ARAP2: variants seen among roughly 807,000 people sequenced by gnomAD.
The protein encoded by ARAP2 is ArfGAP with RhoGAP domain, ankyrin repeat and PH domain 2.
ARAP2 carries 148 observed loss-of-function variants against 194.5 expected under a neutral mutation model. The observed-to-expected ratio is 0.76, with a 90% CI of 0.67 to 0.87. The LOEUF (loss-of-function observed/expected upper bound fraction) is 0.87. Ranked by LOEUF, ARAP2 falls within the 40% of genes least tolerant of loss-of-function variation. The pLI, the probability that ARAP2 is intolerant of heterozygous loss-of-function variation, is 0.00. For synonymous variants in ARAP2, 695 were observed against 683.5 expected (o/e 1.02, Z -0.26); for missense variants, 2,128 against 1,989.7 (o/e 1.07, Z -1.32).
chr4:36,220,542 A>G (rs1002003704), intron 2 of ARAP2, among the ~76,000 whole-genome samples: 7 of 151,630 alleles, frequency 4.6e-5, no homozygotes, highest in Admixed American at 4.6e-4. Flanking sequence ...TTTATTTTAG[A>G]ATGTACTCCT....
intron 5 of ARAP2, among the ~76,000 whole-genome samples, chr4:36,039,455 T>C (rs7680788): frequency 0.035 from 5,365 of 152,278 alleles, 306 homozygotes; most frequent in African/African-American, 0.12. Flanking sequence ...CTTTTCAAAT[T>C]GGACCACTGG....
Position 36,150,998 on chromosome 4 carries a change from G to T in ARAP2, c.2799C>A (p.Tyr933Ter). Residue 933 changes from tyrosine to a stop codon, truncating the protein, a stop_gained, in exon 16 of 33, where the codon TAC (tyrosine) becomes TAA (stop). Transcript: ENST00000303965. LOFTEE classifies it high-confidence loss of function. ...WCVLEGGFLS[Y>*]YENDKSTTPN... ...GTGTGGTAGACTTATCATTTTCATA[G>T]TAACTCAAGAAGCCTCCTTCCAAAA... 2 of 1,611,336 alleles carry T rather than the reference G, an allele frequency of 1.2e-6. No homozygotes were observed. The highest frequency in any genetic ancestry group is 1.7e-6 in the Non-Finnish European group (2 of 1,178,836).
chr4:36,147,262 T>G, intron 19 of ARAP2, 34 bp downstream of exon 19: 100 of 1,581,316 alleles, frequency 6.3e-5, no homozygotes, highest in Non-Finnish European at 7.7e-5. Flanking sequence ...CCAGAGTTGT[T>G]GAGATAAGGA....
At chr4:36,216,656 C>G (rs1482025671) in intron 2 of ARAP2, among the ~76,000 whole-genome samples, 1 of 151,574 alleles carries the variant, frequency 6.6e-6, no homozygotes, top group Non-Finnish European at 1.5e-5. Flanking sequence ...TTGAAAAAAC[C>G]CAAATAGACA....
rs1179336873 is a variant in ARAP2 at position 36,117,075 on chromosome 4, T to C, written c.4024A>G (p.Ser1342Gly). 6.3e-7 allele frequency: 1 copy of C among 1,595,446 alleles called. No individual in the cohort carries two copies. The highest frequency in any genetic ancestry group is 1.1e-5 in the South Asian group (1 of 88,612). The part of the protein sequence containing the change: ...VYVERKEPDC[S>G]IIIRISPVME... ...TTAGAACTTACCCGAATTATAATAC[T>C]ACAGTCGGGTTCCTTCCTTTCTACA... Residue 1342 changes from serine to glycine, a missense_variant, in exon 25 of 33, where the codon AGT (serine) becomes GGT (glycine). Physicochemically the swap from Ser to Gly is moderately conservative, Grantham distance 56 (BLOSUM62 0). Transcript: ENST00000303965.
At chr4:36,202,970 G>A (rs1446069864) in intron 6 of ARAP2, among the ~76,000 whole-genome samples, 1 of 152,128 alleles carries the variant, frequency 6.6e-6, no homozygotes, top group African/African-American at 2.4e-5. Flanking sequence ...AAAATCTCAG[G>A]AAATAGATAC....
At chr4:36,169,617 GC>G (rs564951722) in intron 9 of ARAP2, among the ~76,000 whole-genome samples, 1 of 151,150 alleles carries the variant, frequency 6.6e-6, no homozygotes, top group Non-Finnish European at 1.5e-5. Context: ...TGCAACCTCG[GC>G]CCCCCCAGGT....
downstream of ARAP2, among the ~76,000 whole-genome samples, chr4:36,064,009 A>C (rs939647505): frequency 1.6e-4 from 25 of 152,318 alleles, no homozygotes; most frequent in African/African-American, 5.8e-4. Context: ...AGTTACGTTC[A>C]TAAGTCATAT....
chr4:36,096,940 A>C (rs1299467118), intron 27 of ARAP2, among the ~76,000 whole-genome samples: 3 of 152,148 alleles, frequency 2.0e-5, no homozygotes, highest in Admixed American at 6.6e-5. Flanking sequence ...TTTTAAAAGC[A>C]AGTTATAATC....
At position 36,229,133 on chromosome 4, in the gene ARAP2, C is replaced by T. The variant is rs558348606; in HGVS notation, c.354G>A (p.Pro118=). Residue 118 remains proline (P), a synonymous_variant, in exon 2 of 33, where the codon CCG becomes CCA. Transcript: ENST00000303965. The part of the protein sequence containing the change: ...NSGSVQTSSP[P]QLETVRKNLE... Reference sequence around the variant, plus strand: ...GATTTTTTCTAACAGTCTCCAACTGCGGTGGGCTAGATGTCTGAACACTAC... The same window carrying T: ...GATTTTTTCTAACAGTCTCCAACTGTGGTGGGCTAGATGTCTGAACACTAC... The T allele has an allele frequency of 4.5e-5, 73 of 1,613,940 alleles. No individual in the cohort carries two copies. The highest frequency in any genetic ancestry group is 8.9e-5 in the East Asian group (4 of 44,884).
chr4:36,167,437 T>C (rs2109808339), intron 9 of ARAP2, among the ~76,000 whole-genome samples: 1 of 152,138 alleles, frequency 6.6e-6, no homozygotes, highest in East Asian at 1.9e-4. Flanking sequence ...ACTAGTTATG[T>C]AAAAAGATGG....
intron 31 of ARAP2, among the ~76,000 whole-genome samples, chr4:36,077,521 C>T (rs1463917270): frequency 6.6e-6 from 1 of 152,062 alleles, no homozygotes; most frequent in African/African-American, 2.4e-5. Flanking sequence ...GTATATACCA[C>T]AGACAACGTA....
At chr4:36,008,796 A>C (rs902001372) in intron 9 of ARAP2, among the ~76,000 whole-genome samples, 4 of 152,156 alleles carry the variant, frequency 2.6e-5, no homozygotes, top group Non-Finnish European at 5.9e-5. Flanking sequence ...CAAACTATGC[A>C]CCCAACAAAG....
At chr4:36,025,620 C>T (rs1717763468) in intron 5 of ARAP2, among the ~76,000 whole-genome samples, 1 of 151,892 alleles carries the variant, frequency 6.6e-6, no homozygotes, top group Non-Finnish European at 1.5e-5. Flanking sequence ...GTAGCAAGGT[C>T]CTTCGTCTAT....
chr4:36,143,880 G>C (rs936020749), intron 19 of ARAP2, among the ~76,000 whole-genome samples: 1 of 151,788 alleles, frequency 6.6e-6, no homozygotes. Context: ...AACTGTCTGT[G>C]ACCATTATTT....
At chr4:36,040,058 T>C (rs898600411) in intron 5 of ARAP2, among the ~76,000 whole-genome samples, 1 of 152,212 alleles carries the variant, frequency 6.6e-6, no homozygotes, top group African/African-American at 2.4e-5. Context: ...TAGGAATAAA[T>C]GGACATGTGT....
intron 3 of ARAP2, among the ~76,000 whole-genome samples, chr4:36,213,811 T>C (rs1360681749): frequency 6.6e-6 from 1 of 152,128 alleles, no homozygotes; most frequent in African/African-American, 2.4e-5. Context: ...TCTAATGCCA[T>C]AGCTACTAAT....
intron 26 of ARAP2, among the ~76,000 whole-genome samples, chr4:36,112,878 A>C (rs1720382515): frequency 6.6e-6 from 1 of 151,928 alleles, no homozygotes. Flanking sequence ...TTTGGGAAAC[A>C]CCAGTTAATA....
At chr4:36,220,067 T>C (rs1325321808) in intron 2 of ARAP2, among the ~76,000 whole-genome samples, 1 of 152,224 alleles carries the variant, frequency 6.6e-6, no homozygotes, top group Non-Finnish European at 1.5e-5. Context: ...GACATTTGTA[T>C]ACTACTAAGG....
Sources: allele counts gnomAD v4.1 joint callset (sites outside exome capture counted in the v4.1 genomes callset), GRCh38; gene constraint gnomAD v4.1.1; transcripts MANE v1.5; gene names NCBI Gene and HGNC (gene_info 2026-07-23, HGNC 2026-07-21).